CCDC73: variants seen among roughly 807,000 people sequenced by gnomAD.
CCDC73 encodes coiled-coil domain-containing protein 73.
CCDC73 carries 95 observed loss-of-function variants against 116.5 expected under a neutral mutation model. The observed-to-expected ratio is 0.82, with a 90% CI of 0.69 to 0.97. The LOEUF is 0.97. Among genes scored for constraint, CCDC73 ranks in the 50% least tolerant of loss-of-function variants. CCDC73 has a pLI of 0.00. For synonymous variants in CCDC73, 398 were observed against 401.3 expected (o/e 0.99, Z 0.10); for missense variants, 1,066 against 1,206.8 (o/e 0.88, Z 1.73).
chr11:32,682,431 T>G (rs1246268878), intron 7 of CCDC73: 1 of 151,998 alleles, frequency 6.6e-6, no homozygotes, highest in Non-Finnish European at 1.5e-5. Context: ...ACATCTTTTA[T>G]TCAATCAAGC....
Position 32,616,081 on chromosome 11 carries a change from AT to A in CCDC73, c.1233del (p.Lys411AsnfsTer16). 6.3e-7 allele frequency: 1 copy of A among 1,582,868 alleles called. No individual in the cohort carries two copies. On this transcript the variant is annotated frameshift_variant, in exon 15 of 18. Transcript: ENST00000335185. LOFTEE classifies it high-confidence loss of function. ...TATTTCTGTATAATGGTGTTTTCTG[AT>A]TTTTCAGTTGACATTTCACTGTTTT... ...NNENSEMSTE[K>X]SENTIIQKYN...
intron 6 of CCDC73, among the ~76,000 whole-genome samples, chr11:32,692,049 C>CAAAAA (rs1173539877): frequency 4.9e-5 from 3 of 60,732 alleles, no homozygotes; most frequent in African/African-American, 1.1e-4. Context: ...CTCCGTCTCA[C>CAAAAA]AAAAAAAAAA....
intron 2 of CCDC73, among the ~76,000 whole-genome samples, chr11:32,750,787 C>T (rs561692573): frequency 6.1e-4 from 93 of 152,168 alleles, no homozygotes; most frequent in Non-Finnish European, 1.2e-3. Flanking sequence ...CCCTAGAGCC[C>T]ACTTGGTGCT....
chr11:32,727,745 T>C (rs1228450234), intron 2 of CCDC73, among the ~76,000 whole-genome samples: 2 of 152,050 alleles, frequency 1.3e-5, no homozygotes, highest in African/African-American at 2.4e-5. Context: ...CTAGTTTTTG[T>C]ATTTTTAGTA....
intron 1 of CCDC73, among the ~76,000 whole-genome samples, chr11:32,779,263 CAAAA>C (rs34184527): frequency 4.8e-4 from 53 of 110,026 alleles, no homozygotes; most frequent in Non-Finnish European, 8.4e-4. Context: ...TCATGTGGGG[CAAAA>C]AAAAAAAAAA....
chr11:32,820,981 A>G, the CCDC73 span, among the ~76,000 whole-genome samples: 1 of 152,030 alleles, frequency 6.6e-6, no homozygotes, highest in Admixed American at 6.6e-5. Context: ...TTTATCTGTC[A>G]TATATGTTGC....
the CCDC73 span, among the ~76,000 whole-genome samples, chr11:32,826,982 C>T: frequency 1.3e-5 from 2 of 152,132 alleles, no homozygotes; most frequent in Non-Finnish European, 2.9e-5. Context: ...CCGCCTCAGC[C>T]TCCCGAGTAG....
chr11:32,650,479 C>T (rs16923493), intron 12 of CCDC73, among the ~76,000 whole-genome samples: 2,571 of 152,150 alleles, frequency 0.017, 75 homozygotes, highest in African/African-American at 0.057. Flanking sequence ...CATAAAGAAC[C>T]TAGTTAAATT....
chr11:32,802,351 A>G, the CCDC73 span, among the ~76,000 whole-genome samples: 4 of 152,222 alleles, frequency 2.6e-5, no homozygotes, highest in African/African-American at 9.6e-5. Context: ...CACACCAACC[A>G]TAATTTAATC....
chr11:32,664,213 T>C (rs943251446), intron 9 of CCDC73, among the ~76,000 whole-genome samples: 1 of 152,180 alleles, frequency 6.6e-6, no homozygotes, highest in Non-Finnish European at 1.5e-5. Flanking sequence ...TTAGGGAGGA[T>C]TCCCTCTTTT....
the CCDC73 span, among the ~76,000 whole-genome samples, chr11:32,818,736 G>A: frequency 6.6e-6 from 1 of 152,148 alleles, no homozygotes; most frequent in Admixed American, 6.6e-5. Flanking sequence ...TAAAAAGGAG[G>A]GAGTACTGAT....
intron 15 of CCDC73, 113 bp from the exon 16 acceptor site, chr11:32,615,055 G>T: frequency 1.7e-6 from 1 of 601,828 alleles, no homozygotes; most frequent in Non-Finnish European, 2.7e-6. Flanking sequence ...ATATTTTATG[G>T]GTCAATAATT....
At chr11:32,665,456 T>C (rs559719896) in intron 9 of CCDC73, among the ~76,000 whole-genome samples, 1 of 152,214 alleles carries the variant, frequency 6.6e-6, no homozygotes, top group Non-Finnish European at 1.5e-5. Flanking sequence ...TTAAAGTCTG[T>C]CTTATCAGAG....
At chr11:32,744,278 A>G (rs901331646) in intron 2 of CCDC73, among the ~76,000 whole-genome samples, 1 of 152,184 alleles carries the variant, frequency 6.6e-6, no homozygotes, top group African/African-American at 2.4e-5. Context: ...ATGGTAGATA[A>G]GCTTTTTGAT....
At chr11:32,755,927 CTATATATATATCTCCA>C (rs201309357) in intron 2 of CCDC73, among the ~76,000 whole-genome samples, 5,964 of 23,968 alleles carry the variant, frequency 0.25, 897 homozygotes, top group East Asian at 0.6. Flanking sequence ...ATATATATAT[CTATATATATATCTCCA>C]TATATATATC....
At chr11:32,823,240 G>A in the CCDC73 span, among the ~76,000 whole-genome samples, 17 of 152,202 alleles carry the variant, frequency 1.1e-4, no homozygotes, top group Non-Finnish European at 1.6e-4. Context: ...TTGGGAGGCC[G>A]AGGCGGGTGG....
rs781762552 is a variant in CCDC73 at position 32,615,983 on chromosome 11, T to C, written c.1332A>G (p.Glu444=). 6.3e-7 allele frequency: 1 copy of C among 1,591,116 alleles called. No individual in the cohort carries two copies. Among genetic ancestry groups the C allele is most frequent in the South Asian group, 1.1e-5 (1 of 87,738 alleles). ...FCSDTEYREK[E]EKKEGSFIEE... is the part of the protein sequence containing the mutation. ...CTATAAATGAGCCTTCTTTTTTTTCTTCTTTTTCTCTGTATTCAGTATCTG... is the reference window on the plus strand; with the variant it reads ...CTATAAATGAGCCTTCTTTTTTTTCCTCTTTTTCTCTGTATTCAGTATCTG... The change falls in exon 15 of 18, where the codon GAA becomes GAG. Residue 444 remains glutamate (E), a synonymous_variant. Transcript: ENST00000335185.
intron 1 of CCDC73, among the ~76,000 whole-genome samples, chr11:32,770,781 C>T (rs7945593): frequency 0.74 from 112,370 of 151,922 alleles, 41,640 homozygotes; most frequent in East Asian, 0.93. Flanking sequence ...ATTGAAAATA[C>T]GGGGAGAGAG....
At position 32,664,796 on chromosome 11, in the gene CCDC73, C is replaced by G. The variant is rs187701997; in HGVS notation, c.646-9824G>C. On this transcript the variant is annotated intron_variant, in intron 9 of 17. Coordinates refer to ENST00000335185, the MANE Select transcript of CCDC73 (RefSeq NM_001008391.4). ...TCCTGCTTTCTCTTGTGGGCATTTA[C>G]TGCTATAAATTTCCCTCTACACACT... Among the ~76,000 whole-genome samples, 411 of 152,092 alleles carry G rather than the reference C, an allele frequency of 2.7e-3. 1 individual carries two copies. Among genetic ancestry groups the G allele is most frequent in the Middle Eastern group, 6.8e-3 (2 of 294 alleles).
Sources: allele counts gnomAD v4.1 joint callset (sites outside exome capture counted in the v4.1 genomes callset), GRCh38; gene constraint gnomAD v4.1.1; transcripts MANE v1.5; gene names NCBI Gene and HGNC (gene_info 2026-07-23, HGNC 2026-07-21).